The following IQGAP2 variants were observed in gnomAD, a reference collection of about 807,000 sequenced individuals.
The protein encoded by IQGAP2 is ras GTPase-activating-like protein IQGAP2.
IQGAP2 carries 173 observed loss-of-function variants against 201.3 expected under a neutral mutation model. That is an observed-to-expected ratio of 0.86 (90% CI 0.76 to 0.98). The LOEUF is 0.98. Among genes scored for constraint, IQGAP2 ranks in the 50% least tolerant of loss-of-function variants. The pLI is 0.00. For synonymous variants in IQGAP2, 675 were observed against 673.9 expected (o/e 1.00, Z -0.03); for missense variants, 1,687 against 1,864.8 (o/e 0.90, Z 1.76).
At chr5:76,463,123 TAAAAA>T (rs5868826) in intron 2 of IQGAP2, among the ~76,000 whole-genome samples, 1,206 of 105,690 alleles carry the variant, frequency 0.011, 14 homozygotes, top group African/African-American at 0.042. Flanking sequence ...ACGCTGTCTT[TAAAAA>T]AAAAAAAAAA....
chr5:76,682,771 T>C (rs1464989915), intron 28 of IQGAP2, among the ~76,000 whole-genome samples: 1 of 152,190 alleles, frequency 6.6e-6, no homozygotes, highest in Non-Finnish European at 1.5e-5. Flanking sequence ...CTACCAATGT[T>C]AACTGAAAGA....
At chr5:76,454,539 G>A (rs541676147) in intron 1 of IQGAP2, among the ~76,000 whole-genome samples, 2 of 150,460 alleles carry the variant, frequency 1.3e-5, no homozygotes, top group Non-Finnish European at 2.9e-5. Context: ...AGAACATGCG[G>A]TGTTTGGTTT....
At chr5:76,686,537 T>A (rs1426439085) in intron 30 of IQGAP2, among the ~76,000 whole-genome samples, 1 of 152,158 alleles carries the variant, frequency 6.6e-6, no homozygotes, top group Non-Finnish European at 1.5e-5. Flanking sequence ...TGAGACAGCG[T>A]CTCGCTCTGT....
rs1378501164 is a variant in IQGAP2, at chr5:76,403,901, A to T, written c.46+310A>T. Among the ~76,000 whole-genome samples the T allele has an allele frequency of 3.9e-5, 6 of 152,144 alleles. No homozygotes were observed. ...ACCAGGTTGGGATTTTAGGGGTATC[A>T]GGTGAGGAGTCCGCGGAGCTCCGGG... On this transcript the variant is annotated intron_variant, in intron 1 of 35. Coordinates refer to ENST00000274364, the MANE Select transcript of IQGAP2 (RefSeq NM_006633.5). The surrounding 1 kb of genome is among the most constrained non-coding windows in gnomAD (Gnocchi z 4.8).
chr5:76,594,514 G>A (rs760789760), intron 9 of IQGAP2, among the ~76,000 whole-genome samples: 57 of 152,158 alleles, frequency 3.7e-4, no homozygotes, highest in Middle Eastern at 3.4e-3. Flanking sequence ...AAATATGAAA[G>A]CAAGGTTTGA....
At chr5:76,627,522 T>C in intron 14 of IQGAP2, 22 bp downstream of exon 14, 2 of 1,316,594 alleles carry the variant, frequency 1.5e-6, no homozygotes, top group Non-Finnish European at 1.1e-6. Flanking sequence ...CCTCCTTTGC[T>C]CTTGAAACTT....
At chr5:76,485,087 G>A (rs1009088117) in intron 2 of IQGAP2, among the ~76,000 whole-genome samples, 8 of 152,184 alleles carry the variant, frequency 5.3e-5, no homozygotes, top group Non-Finnish European at 1.0e-4. Context: ...CTCCCAAAGT[G>A]CTGGGAGGTG....
intron 33 of IQGAP2, 23 bp from the exon 34 acceptor site, chr5:76,701,053 A>G (rs774186516): frequency 1.9e-6 from 3 of 1,613,064 alleles, no homozygotes; most frequent in Non-Finnish European, 2.5e-6. Context: ...ATAACAACAA[A>G]TGTTCTGTTC....
At chr5:76,646,846 A>G (rs1561546639) in intron 17 of IQGAP2, among the ~76,000 whole-genome samples, 2 of 152,092 alleles carry the variant, frequency 1.3e-5, no homozygotes, top group Non-Finnish European at 2.9e-5. Context: ...AAGTTTACTC[A>G]TGTATATTTT....
intron 2 of IQGAP2, among the ~76,000 whole-genome samples, chr5:76,515,856 G>C (rs565992497): frequency 6.7e-6 from 1 of 149,594 alleles, no homozygotes; most frequent in South Asian, 2.1e-4. Flanking sequence ...TCCTCATTGA[G>C]GAACAAGGGG....
At chr5:76,625,396 G>A (rs1322945264) in intron 13 of IQGAP2, among the ~76,000 whole-genome samples, 7 of 152,108 alleles carry the variant, frequency 4.6e-5, no homozygotes, top group Non-Finnish European at 1.0e-4. Flanking sequence ...GGGAGTGTTG[G>A]GTTCTCTTAG....
At chr5:76,672,062 C>G in intron 24 of IQGAP2, 79 bp downstream of exon 24, 1 of 1,082,834 alleles carries the variant, frequency 9.2e-7, no homozygotes, top group Non-Finnish European at 1.4e-6. Flanking sequence ...TACTCTTAAA[C>G]TTTGTTAGGC....
In IQGAP2 at chr5:76,620,035, C is replaced by A. The variant is rs564318729; in HGVS notation, c.1522-7375C>A. 3.4e-4 allele frequency among the ~76,000 whole-genome samples: 52 copies of A among 152,274 alleles called. No individual in the cohort carries two copies. The Middle Eastern group carries it at 0.017, about 50-fold the overall frequency. Reference sequence around the variant, plus strand: ...CAAGATAGCCGATTCTCTCCTAGAGCCTCGAGAATGAACACAACCCCACCA... The same window carrying A: ...CAAGATAGCCGATTCTCTCCTAGAGACTCGAGAATGAACACAACCCCACCA... On this transcript the variant is annotated intron_variant, in intron 13 of 35. Coordinates refer to ENST00000274364, the MANE Select transcript of IQGAP2 (RefSeq NM_006633.5).
chr5:76,668,446 G>A (rs2150475939), intron 22 of IQGAP2, among the ~76,000 whole-genome samples: 1 of 151,506 alleles, frequency 6.6e-6, no homozygotes, highest in Middle Eastern at 3.4e-3. Context: ...AGCTAAAGTA[G>A]AAAGTTATAT....
At chr5:76,483,460 T>G (rs1278983773) in intron 2 of IQGAP2, among the ~76,000 whole-genome samples, 1 of 152,236 alleles carries the variant, frequency 6.6e-6, no homozygotes, top group African/African-American at 2.4e-5. Flanking sequence ...TAATTCGTAT[T>G]GGAACAACTG....
At chr5:76,595,540 C>A (rs1746967413) in intron 9 of IQGAP2, among the ~76,000 whole-genome samples, 1 of 151,766 alleles carries the variant, frequency 6.6e-6, no homozygotes, top group Non-Finnish European at 1.5e-5. Context: ...GGGAGGATGA[C>A]TTCAGGCCAG....
At chr5:76,453,909 T>C (rs1271857845) in intron 1 of IQGAP2, among the ~76,000 whole-genome samples, 1 of 152,216 alleles carries the variant, frequency 6.6e-6, no homozygotes, top group East Asian at 1.9e-4. Flanking sequence ...CTAAAGATTT[T>C]TAAATTACCT....
At chr5:76,674,813 A>C in intron 27 of IQGAP2, 104 bp downstream of exon 27, 4 of 791,986 alleles carry the variant, frequency 5.1e-6, no homozygotes, top group East Asian at 2.6e-5. Context: ...CAGGAACCCC[A>C]GGTGGTTACA....
At chr5:76,541,340 C>T (rs894176021) in intron 2 of IQGAP2, among the ~76,000 whole-genome samples, 3 of 152,124 alleles carry the variant, frequency 2.0e-5, no homozygotes, top group Non-Finnish European at 2.9e-5. Flanking sequence ...CAAGTTTCAT[C>T]GTGTGGCATT....
Sources: allele counts gnomAD v4.1 joint callset (sites outside exome capture counted in the v4.1 genomes callset), GRCh38; gene constraint gnomAD v4.1.1; non-coding constraint Gnocchi (gnomAD v3.1); transcripts MANE v1.5; gene names NCBI Gene and HGNC (gene_info 2026-07-23, HGNC 2026-07-21).